NUP133: variants seen among roughly 807,000 people sequenced by gnomAD.
NUP133 encodes the protein nuclear pore complex protein Nup133.
A neutral mutation model predicts 146.2 loss-of-function variants in NUP133; 66 were observed. The ratio of observed to expected loss-of-function variants is 0.45; its 90% CI spans 0.37 to 0.55. NUP133 has a LOEUF of 0.55. Among genes scored for constraint, NUP133 ranks in the 20% least tolerant of loss-of-function variants. The pLI is 0.00. For missense variants in NUP133, 1,277 were observed against 1,374.8 expected (o/e 0.93, Z 1.12); for synonymous variants, 521 against 498.8 (o/e 1.04, Z -0.59).
intron 24 of NUP133, among the ~76,000 whole-genome samples, chr1:229,447,433 G>A (rs1404045194): frequency 1.3e-5 from 2 of 150,840 alleles, no homozygotes; most frequent in African/African-American, 4.9e-5. Flanking sequence ...TTCCTGCTTT[G>A]CAACTCCTAA....
chr1:229,491,158 C>A (rs60242545), intron 8 of NUP133, among the ~76,000 whole-genome samples: 1 of 151,962 alleles, frequency 6.6e-6, no homozygotes, highest in African/African-American at 2.4e-5. Flanking sequence ...GGCAACCATA[C>A]GCATTTATTT....
intron 24 of NUP133, among the ~76,000 whole-genome samples, chr1:229,447,217 C>T (rs1468481549): frequency 6.6e-6 from 1 of 152,102 alleles, no homozygotes; most frequent in Non-Finnish European, 1.5e-5. Flanking sequence ...TATGAGTGGT[C>T]CTAAGTCTTT....
chr1:229,477,859 AAG>A, intron 12 of NUP133, 99 bp from the exon 13 acceptor site: 2 of 850,070 alleles, frequency 2.4e-6, no homozygotes, highest in Admixed American at 5.5e-5. Flanking sequence ...AGCCAAAAAA[AAG>A]AATGCGATCC....
In NUP133 at chr1:229,466,758, TGA is replaced by T; in HGVS notation, c.2077-4_2077-3del. Reference sequence around the variant, plus strand: ...ACAGATGGTATCTACTTGGGATACCTGAGAGAATACACAGAAGTAAACTACTT... The same window carrying T: ...ACAGATGGTATCTACTTGGGATACCTGAGAATACACAGAAGTAAACTACTT... On this transcript the variant is annotated splice_polypyrimidine_tract_variant and splice_region_variant and intron_variant, in intron 15 of 25. Transcript: ENST00000261396. The T allele has an allele frequency of 6.2e-7, 1 of 1,613,684 alleles. No homozygotes were observed. Among genetic ancestry groups the T allele is most frequent in the Non-Finnish European group, 8.5e-7 (1 of 1,179,742 alleles).
chr1:229,484,910 GAA>G (rs919477259), intron 11 of NUP133, among the ~76,000 whole-genome samples: 1 of 151,446 alleles, frequency 6.6e-6, no homozygotes, highest in African/African-American at 2.4e-5. Context: ...TTTGTGAAAA[GAA>G]AAAAAAGTTA....
intron 2 of NUP133, among the ~76,000 whole-genome samples, chr1:229,505,462 G>A: frequency 6.6e-6 from 1 of 150,984 alleles, no homozygotes; most frequent in Admixed American, 6.6e-5. Flanking sequence ...AAAGATAATG[G>A]GGGACTACTG....
At chr1:229,498,702 G>A (rs1012246520) in intron 5 of NUP133, among the ~76,000 whole-genome samples, 1 of 151,626 alleles carries the variant, frequency 6.6e-6, no homozygotes, top group East Asian at 1.9e-4. Flanking sequence ...GTTGCAGTGA[G>A]CTGAGATTGC....
chr1:229,495,746 T>C (rs1661640103), intron 7 of NUP133, 146 bp downstream of exon 7: 1 of 899,690 alleles, frequency 1.1e-6, no homozygotes, highest in African/African-American at 1.7e-5. Context: ...GGAGATTGAC[T>C]AACCCATTTC....
Position 229,463,518 on chromosome 1 carries a change from T to G in NUP133, c.2685+25A>C, listed in dbSNP as rs779619279. 3.8e-6 allele frequency: 6 copies of G among 1,592,408 alleles called. No homozygotes were observed. The Admixed American group carries it at 1.1e-4, about 30-fold the overall frequency. ...AAGAAAAGGCAACTAAAGGACTCAG[T>G]GGCCACACACCCAACACTCATCACC... On this transcript the variant is annotated intron_variant, in intron 19 of 25. Transcript: ENST00000261396.
intron 12 of NUP133, among the ~76,000 whole-genome samples, chr1:229,478,860 T>C (rs1262492986): frequency 6.6e-6 from 1 of 152,108 alleles, no homozygotes; most frequent in East Asian, 1.9e-4. Context: ...AAAAGATTGC[T>C]CTATCATATG....
At chr1:229,480,176 C>A (rs1266446504) in intron 12 of NUP133, among the ~76,000 whole-genome samples, 1 of 152,140 alleles carries the variant, frequency 6.6e-6, no homozygotes, top group Non-Finnish European at 1.5e-5. Flanking sequence ...CTAGGAGGTA[C>A]AGGGAGCTCT....
chr1:229,458,332 A>G, intron 20 of NUP133, 36 bp from the exon 21 acceptor site: 3 of 1,595,380 alleles, frequency 1.9e-6, no homozygotes, highest in Non-Finnish European at 2.6e-6. Context: ...TAAGATACTG[A>G]GTACCAATTC....
At chr1:229,501,347 T>C (rs1661792532) in intron 3 of NUP133, among the ~76,000 whole-genome samples, 1 of 152,174 alleles carries the variant, frequency 6.6e-6, no homozygotes, top group African/African-American at 2.4e-5. Flanking sequence ...CCCTCACCTA[T>C]TACTCCTAAC....
At position 229,475,876 on chromosome 1, in the gene NUP133, G is replaced by A. The variant is rs934619445; in HGVS notation, c.1757-144C>T. The A allele has an allele frequency of 3.7e-5, 23 of 618,686 alleles. No individual in the cohort carries two copies. In the Admixed American group the frequency reaches 3.8e-4, roughly 10 times the overall value. The allele number at this position is 618,686 out of a possible 1,614,324, so 38.3% of individuals were successfully genotyped here. On this transcript the variant is annotated intron_variant, in intron 13 of 25. Coordinates refer to ENST00000261396, the MANE Select transcript of NUP133 (RefSeq NM_018230.3). ...TGTAATCCGAGCACTTTGGGAGGTC[G>A]AGGTGGGCAGATCACGAGGTCAAGA... is the stretch of plus-strand genomic sequence containing the variant.
chr1:229,502,167 T>A, intron 2 of NUP133, 65 bp from the exon 3 acceptor site: 1 of 1,262,466 alleles, frequency 7.9e-7, no homozygotes, highest in Admixed American at 1.9e-5. Flanking sequence ...ACACGCTTTA[T>A]CAAAAAAAAG....
At chr1:229,449,218 A>T (rs1376782562) in intron 23 of NUP133, 28 bp from the exon 24 acceptor site, 1 of 1,483,172 alleles carries the variant, frequency 6.7e-7, no homozygotes, top group Non-Finnish European at 9.3e-7. Flanking sequence ...AAAAATCCTG[A>T]TTAAATCCTG....
rs558230878 is a variant in NUP133, at chr1:229,448,894, C to A, written c.3245+232G>T. 1.1e-4 allele frequency: 59 copies of A among 517,794 alleles called. 1 individual carries two copies. The highest frequency in any genetic ancestry group is 1.5e-4 in the Non-Finnish European group (45 of 294,052). The allele number at this position is 517,794 out of a possible 1,614,324, so 32.1% of individuals were successfully genotyped here. A position where few individuals can be genotyped will look rare whatever the true frequency, so the allele number is the denominator to read the frequency against. Reference sequence around the variant, plus strand: ...CTGGTGCTTAAATTGGCATCAAAGTCAGGGGCAGTCTGAGCCCTCAACCTG... The same window carrying A: ...CTGGTGCTTAAATTGGCATCAAAGTAAGGGGCAGTCTGAGCCCTCAACCTG... On this transcript the variant is annotated intron_variant, in intron 24 of 25. Coordinates refer to ENST00000261396, the MANE Select transcript of NUP133 (RefSeq NM_018230.3).
At chr1:229,478,506 G>A (rs898056101) in intron 12 of NUP133, among the ~76,000 whole-genome samples, 2 of 152,132 alleles carry the variant, frequency 1.3e-5, no homozygotes, top group African/African-American at 4.8e-5. Context: ...CCGTCCGCAA[G>A]TAAGCCTCTA....
intron 9 of NUP133, among the ~76,000 whole-genome samples, chr1:229,489,643 G>A (rs1661458643): frequency 6.6e-6 from 1 of 152,234 alleles, no homozygotes; most frequent in Non-Finnish European, 1.5e-5. Context: ...GGCCAAGCTG[G>A]GGGAATCACT....
Sources: allele counts gnomAD v4.1 joint callset (sites outside exome capture counted in the v4.1 genomes callset), GRCh38; gene constraint gnomAD v4.1.1; transcripts MANE v1.5; gene names NCBI Gene and HGNC (gene_info 2026-07-23, HGNC 2026-07-21).